Variants in CNTNAP4 observed in about 807,000 individuals in gnomAD.
CNTNAP4 encodes the protein contactin associated protein family member 4.
CNTNAP4 carries 98 observed loss-of-function variants against 148.4 expected under a neutral mutation model. The observed-to-expected ratio is 0.66, with a 90% CI of 0.56 to 0.78. The LOEUF (loss-of-function observed/expected upper bound fraction) is 0.78. CNTNAP4 is among the 30% of genes least tolerant of loss of function. The pLI, the probability that CNTNAP4 is intolerant of heterozygous loss-of-function variation, is 0.00. For synonymous variants in CNTNAP4, 730 were observed against 565.1 expected (o/e 1.29, Z -4.14); for missense variants, 1,935 against 1,565.6 (o/e 1.24, Z -3.98).
intron 17 of CNTNAP4, among the ~76,000 whole-genome samples, chr16:76,524,677 A>G (rs1597059003): frequency 6.6e-6 from 1 of 152,122 alleles, no homozygotes. Flanking sequence ...TTTAATAAGG[A>G]TCTGAAAGAT....
rs1031526025 is a variant in CNTNAP4 at position 76,498,687 on chromosome 16, G to A, written c.2358G>A (p.Gln786=). 6.2e-6 allele frequency: 10 copies of A among 1,604,478 alleles called. No individual in the cohort carries two copies. The African/African-American group carries it at 1.2e-4, about 19-fold the overall frequency. ...AAYKLGPLLC[Q]GDRSFWNSAS... ...ATAAACTGGGGCCTCTGCTCTGCCA[G>A]GGAGACAGTAAGTGGTTACAATGTG... The change falls in exon 15 of 24, where the codon CAG becomes CAA. Residue 786 remains glutamine (Q), a synonymous_variant. Coordinates refer to ENST00000611870, the MANE Select transcript of CNTNAP4 (RefSeq NM_033401.5).
At chr16:76,532,498 G>A (rs912806006) in intron 17 of CNTNAP4, among the ~76,000 whole-genome samples, 2 of 152,152 alleles carry the variant, frequency 1.3e-5, no homozygotes, top group African/African-American at 4.8e-5. Context: ...CGTTGTTACT[G>A]GCAGAATGAG....
chr16:76,436,049 G>T lies in CNTNAP4; in HGVS notation c.538+8450G>T, dbSNP rs199882998. ...CTCTGAATGTCACCTCTAGGGGCCCGCCAGGACTTTAGTCTAGTTATAGGT... is the reference window on the plus strand; with the variant it reads ...CTCTGAATGTCACCTCTAGGGGCCCTCCAGGACTTTAGTCTAGTTATAGGT... On this transcript the variant is annotated intron_variant, in intron 4 of 23. Transcript: ENST00000611870. Among the ~76,000 whole-genome samples the T allele has an allele frequency of 6.6e-5, 10 of 152,158 alleles. No homozygotes were observed. In the East Asian group the frequency reaches 1.7e-3, roughly 26 times the overall value.
At chr16:76,371,969 A>C (rs903236957) in intron 3 of CNTNAP4, among the ~76,000 whole-genome samples, 1 of 152,046 alleles carries the variant, frequency 6.6e-6, no homozygotes, top group Non-Finnish European at 1.5e-5. Context: ...ATCATCTCTA[A>C]GTTCTTACTT....
intron 1 of CNTNAP4, among the ~76,000 whole-genome samples, chr16:76,288,882 T>C (rs1028576960): frequency 6.6e-6 from 1 of 152,182 alleles, no homozygotes; most frequent in Non-Finnish European, 1.5e-5. Context: ...ACGTCCTTTT[T>C]ATTTAGGATC....
At chr16:76,294,585 T>C (rs1959191438) in intron 1 of CNTNAP4, among the ~76,000 whole-genome samples, 1 of 152,220 alleles carries the variant, frequency 6.6e-6, no homozygotes, top group Non-Finnish European at 1.5e-5. Context: ...TTAAAAAATT[T>C]CTTAGTAAAA....
intron 3 of CNTNAP4, among the ~76,000 whole-genome samples, chr16:76,416,600 G>A (rs1324630132): frequency 3.3e-5 from 5 of 151,332 alleles, no homozygotes; most frequent in African/African-American, 1.2e-4. Context: ...TGACCTGAGA[G>A]CATACATTGT....
chr16:76,483,231 A>AACTTCACACACAC (rs1167634774), intron 12 of CNTNAP4, among the ~76,000 whole-genome samples: 11 of 140,112 alleles, frequency 7.9e-5, no homozygotes, highest in African/African-American at 2.9e-4. Context: ...AGTTTTAAGA[A>AACTTCACACACAC]ACACACACAC....
At chr16:76,283,633 AAAC>A (rs1958773738) in intron 1 of CNTNAP4, among the ~76,000 whole-genome samples, 1 of 151,878 alleles carries the variant, frequency 6.6e-6, no homozygotes, top group Non-Finnish European at 1.5e-5. Context: ...ACATAGAGGG[AAAC>A]AACACACACT....
At chr16:76,294,437 A>T (rs1959188881) in intron 1 of CNTNAP4, among the ~76,000 whole-genome samples, 2 of 152,314 alleles carry the variant, frequency 1.3e-5, no homozygotes, top group South Asian at 2.1e-4. Flanking sequence ...TTAAAAATTT[A>T]TCCCCAAGAA....
chr16:76,376,907 TTGTGTGTGTGTGTGTGTG>T (rs5817987), intron 3 of CNTNAP4, among the ~76,000 whole-genome samples: 1,742 of 143,526 alleles, frequency 0.012, 41 homozygotes, highest in Admixed American at 0.044. Context: ...CTAACAAGGT[TTGTGTGTGTGTGTGTGTG>T]TGTGTGTGTG....
intron 2 of CNTNAP4, among the ~76,000 whole-genome samples, chr16:76,324,824 G>A (rs73620946): frequency 0.037 from 5,621 of 152,028 alleles, 357 homozygotes; most frequent in African/African-American, 0.13. Flanking sequence ...TCTTATAAAA[G>A]CATTAATCAT....
chr16:76,420,279 A>ATATTAGAATAATGTATATTGTGTAG (rs1324649016), intron 3 of CNTNAP4, among the ~76,000 whole-genome samples: 2 of 150,216 alleles, frequency 1.3e-5, no homozygotes, highest in Non-Finnish European at 3.0e-5. Context: ...TATAGGAGAT[A>ATATTAGAATAATGTATATTGTGTAG]AATATTAATT....
At chr16:76,513,755 T>C (rs1277402015) in intron 15 of CNTNAP4, among the ~76,000 whole-genome samples, 1 of 152,190 alleles carries the variant, frequency 6.6e-6, no homozygotes, top group Non-Finnish European at 1.5e-5. Context: ...TTCTACTTAC[T>C]GTTAATTGCC....
chr16:76,510,969 T>C (rs2083001625), intron 15 of CNTNAP4, among the ~76,000 whole-genome samples: 1 of 152,162 alleles, frequency 6.6e-6, no homozygotes, highest in East Asian at 1.9e-4. Flanking sequence ...CAATTATCCT[T>C]AAAGGTCACT....
At chr16:76,473,231 T>C (rs1041361424) in intron 10 of CNTNAP4, among the ~76,000 whole-genome samples, 2 of 152,204 alleles carry the variant, frequency 1.3e-5, no homozygotes, top group Non-Finnish European at 2.9e-5. Flanking sequence ...TTATTAATTT[T>C]TGGTTTCTTA....
Position 76,315,051 on chromosome 16 carries a change from T to C in CNTNAP4, c.86-1362T>C, listed in dbSNP as rs1435055051. On this transcript the variant is annotated intron_variant, in intron 1 of 23. Coordinates refer to ENST00000611870, the MANE Select transcript of CNTNAP4 (RefSeq NM_033401.5). ...TTTTGTTTTCCTCAAAAATGTCGCT[T>C]CTAAGATTCAACTATTTTGTTTTGT... Among the ~76,000 whole-genome samples the C allele has an allele frequency of 3.3e-5, 5 of 152,126 alleles. No individual in the cohort carries two copies. The East Asian group carries it at 9.6e-4, about 29-fold the overall frequency.
At chr16:76,357,455 A>C (rs2012833300) in intron 3 of CNTNAP4, among the ~76,000 whole-genome samples, 1 of 152,210 alleles carries the variant, frequency 6.6e-6, no homozygotes. Flanking sequence ...TGGTGGCATG[A>C]ATGATATCCT....
intron 23 of CNTNAP4, among the ~76,000 whole-genome samples, chr16:76,554,870 G>T (rs2085124967): frequency 6.6e-6 from 1 of 151,950 alleles, no homozygotes. Context: ...TGGCTTTCAG[G>T]CTACCTTCTC....
Sources: allele counts gnomAD v4.1 joint callset (sites outside exome capture counted in the v4.1 genomes callset), GRCh38; gene constraint gnomAD v4.1.1; transcripts MANE v1.5; gene names NCBI Gene and HGNC (gene_info 2026-07-23, HGNC 2026-07-21).